Variants in TLR1 observed in about 807,000 individuals in gnomAD.
TLR1 encodes the protein toll like receptor 1, also known as toll-like receptor 1.
TLR1 carries 19 observed loss-of-function variants against 20.2 expected under a neutral mutation model. The ratio of observed to expected loss-of-function variants is 0.94; its 90% CI spans 0.66 to 1.38. The LOEUF (loss-of-function observed/expected upper bound fraction) is 1.38, where lower values mean the gene tolerates loss of function less well. TLR1 is among the 40% of genes most tolerant of loss of function. The pLI is 0.00. For synonymous variants in TLR1, 320 were observed against 334.5 expected (o/e 0.96, Z 0.47); for missense variants, 921 against 910.0 (o/e 1.01, Z -0.16).
Position 38,797,918 on chromosome 4 carries a change from T to G in TLR1, c.914A>C (p.His305Pro), listed in dbSNP as rs3923647. 3.0e-5 allele frequency: 48 copies of G among 1,614,014 alleles called. No homozygotes were observed. Among genetic ancestry groups the G allele is most frequent in the Non-Finnish European group, 3.6e-5 (42 of 1,180,006 alleles). ...ACCGAACACATCGCTGACAACTTGG[T>G]GTATAGACAAGGCCTTCAAGGAAGT... ...SGTSLKALSI[H>P]QVVSDVFGFP... Residue 305 changes from histidine (H) to proline (P), a missense_variant, in exon 4 of 4, where the codon CAC becomes CCC. By Grantham distance (77) the His-to-Pro change is moderately conservative (BLOSUM62 -2). Transcript: ENST00000308979.
chr4:38,794,073 G>A (rs1376490492), downstream of TLR1, among the ~76,000 whole-genome samples: 1 of 152,114 alleles, frequency 6.6e-6, no homozygotes, highest in Non-Finnish European at 1.5e-5. Context: ...TGGACTTTCA[G>A]CCTCCAGAAC....
At chr4:38,802,517 C>T (rs891882990) in intron 2 of TLR1, among the ~76,000 whole-genome samples, 6 of 152,230 alleles carry the variant, frequency 3.9e-5, no homozygotes, top group Admixed American at 2.6e-4. Flanking sequence ...CAGGCCACTG[C>T]ACATGCAGAC....
rs1726121796 is a variant in TLR1 at position 38,796,901 on chromosome 4, C to G, written c.1931G>C (p.Ser644Thr). The G allele has an allele frequency of 6.2e-7, 1 of 1,614,224 alleles. No homozygotes were observed. ...NLQFHAFISY[S>T]GHDSFWVKNE... is the part of the protein sequence containing the mutation. ...CTTCACCCAGAAAGAATCGTGCCCA[C>G]TATATGAAATAAATGCATGAAACTG... The change falls in exon 4 of 4, where the codon AGT (serine) becomes ACT (threonine). Residue 644 changes from serine (S) to threonine (T), a missense_variant. Transcript: ENST00000308979.
At chr4:38,793,519 A>C (rs1480543801), downstream of TLR1, among the ~76,000 whole-genome samples, 1 of 152,112 alleles carries the variant, frequency 6.6e-6, no homozygotes, top group South Asian at 2.1e-4. Flanking sequence ...TTTGGCCTGA[A>C]TTCTTCATCT....
At chr4:38,791,968 CTG>C (rs752689406), downstream of TLR1, among the ~76,000 whole-genome samples, 3 of 152,222 alleles carry the variant, frequency 2.0e-5, no homozygotes, top group Non-Finnish European at 4.4e-5. Context: ...CTCTTCCCCA[CTG>C]TGTCTGCCAC....
rs745825756 is a variant in TLR1 at position 38,798,498 on chromosome 4, G to T, written c.334C>A (p.Pro112Thr). 6.2e-7 allele frequency: 1 copy of T among 1,613,932 alleles called. No individual in the cohort carries two copies. Among genetic ancestry groups the T allele is most frequent in the Admixed American group, 1.7e-5 (1 of 59,982 alleles). Residue 112 changes from proline (P) to threonine (T), a missense_variant, in exon 4 of 4, where the codon CCT becomes ACT. Pro to Thr is a conservative substitution (Grantham distance 38, BLOSUM62 -1). Coordinates refer to ENST00000308979, the MANE Select transcript of TLR1 (RefSeq NM_003263.4). ...TCCAAGTGCTTGAGGTTCACAGTAG[G>T]GTGGCAAGAAATCTTCACCAACTTG... ...HNKLVKISCH[P>T]TVNLKHLDLS...
chr4:38,797,823 G>T lies in TLR1; in HGVS notation c.1009C>A (p.Arg337Ser), dbSNP rs200457447. The stretch of plus-strand genomic sequence containing the variant: ...GATGGGCAAAGCATGTGGACCATGC[G>T]TGTACCAGACACTGTGAAATTTTTG... ...NIKNFTVSGTRMVHMLCPSKI... is the reference protein window; with the variant it reads ...NIKNFTVSGTSMVHMLCPSKI... Residue 337 changes from arginine (R) to serine (S), a missense_variant, in exon 4 of 4, where the codon CGC (arginine) becomes AGC (serine). Arg to Ser is a moderately radical substitution (Grantham distance 110). Transcript: ENST00000308979. 4 of 1,614,152 alleles carry T rather than the reference G, an allele frequency of 2.5e-6. No homozygotes were observed. The highest frequency in any genetic ancestry group is 1.7e-5 in the Admixed American group (1 of 60,012).
chr4:38,803,093 T>G (rs5743577), intron 2 of TLR1, among the ~76,000 whole-genome samples: 74 of 152,292 alleles, frequency 4.9e-4, no homozygotes, highest in Non-Finnish European at 8.5e-4. Context: ...CGCACAGTTG[T>G]GTGTGGAAGC....
At position 38,797,574 on chromosome 4, in the gene TLR1, AAC is replaced by A; in HGVS notation, c.1256_1257del (p.Cys419PhefsTer4). 6.2e-7 allele frequency: 1 copy of A among 1,613,642 alleles called. No homozygotes were observed. Among genetic ancestry groups the A allele is most frequent in the Non-Finnish European group, 8.5e-7 (1 of 1,179,932 alleles). On this transcript the variant is annotated frameshift_variant, in exon 4 of 4. Transcript: ENST00000308979. LOFTEE classifies it high-confidence loss of function. Reference protein sequence around the residue: ...SVSYDEKKGDCSWTKSLLSLN... With the variant: ...SVSYDEKKGDXSWTKSLLSLN... Reference sequence around the variant, plus strand: ...AAACTTAATAAACTTTTAGTCCAAGAACAGTCTCCTTTCTTTTCATCATAGCT... The same window carrying A: ...AAACTTAATAAACTTTTAGTCCAAGAAGTCTCCTTTCTTTTCATCATAGCT...
Position 38,797,908 on chromosome 4 carries a change from G to GACAA in TLR1, c.920_923dup (p.Ser309CysfsTer14), listed in dbSNP as rs1430232984. The GACAA allele has an allele frequency of 6.2e-7, 1 of 1,613,946 alleles. No individual in the cohort carries two copies. Among genetic ancestry groups the GACAA allele is most frequent in the East Asian group, 2.2e-5 (1 of 44,898 alleles). ...TTTGCGGAAAACCGAACACATCGCT[G>GACAA]ACAACTTGGTGTATAGACAAGGCCT... On this transcript the variant is annotated frameshift_variant, in exon 4 of 4. Coordinates refer to ENST00000308979, the MANE Select transcript of TLR1 (RefSeq NM_003263.4). LOFTEE classifies it low-confidence loss of function (END_TRUNC).
intron 2 of TLR1, among the ~76,000 whole-genome samples, chr4:38,803,238 C>G (rs1426374541): frequency 6.6e-6 from 1 of 152,182 alleles, no homozygotes; most frequent in Non-Finnish European, 1.5e-5. Context: ...CAGCTATCTG[C>G]TCATCCACCC....
downstream of TLR1, among the ~76,000 whole-genome samples, chr4:38,793,142 T>C (rs1006388642): frequency 3.9e-5 from 6 of 152,024 alleles, no homozygotes; most frequent in African/African-American, 1.4e-4. Context: ...ATGAGTTTCA[T>C]TTACCCTCAA....
At chr4:38,803,371 G>T (rs1412855523) in intron 2 of TLR1, among the ~76,000 whole-genome samples, 1 of 152,114 alleles carries the variant, frequency 6.6e-6, no homozygotes, top group African/African-American at 2.4e-5. Context: ...TCTTTCCACT[G>T]AGGAGGCAAG....
downstream of TLR1, among the ~76,000 whole-genome samples, chr4:38,793,363 A>C (rs1481085829): frequency 6.6e-6 from 1 of 152,208 alleles, no homozygotes; most frequent in Non-Finnish European, 1.5e-5. Context: ...AAGTTTAAGT[A>C]ACTTGTCCAA....
intron 3 of TLR1, 40 bp from the exon 4 acceptor site, chr4:38,798,938 C>G: frequency 2.1e-6 from 2 of 975,240 alleles, no homozygotes; most frequent in Non-Finnish European, 2.9e-6. Context: ...ACATTACATA[C>G]ATTTTTAAAA....
rs753546211 is a variant in TLR1, at chr4:38,797,673, G to T, written c.1159C>A (p.Leu387Ile). 2.5e-6 allele frequency: 4 copies of T among 1,613,732 alleles called. No homozygotes were observed. In the African/African-American group the frequency reaches 5.3e-5, roughly 22 times the overall value. Residue 387 changes from leucine (L) to isoleucine (I), a missense_variant, in exon 4 of 4, where the codon CTT (leucine) becomes ATT (isoleucine). Transcript: ENST00000308979. ...LILQMNQLKE[L>I]SKIAEMTTQM... The stretch of plus-strand genomic sequence containing the variant: ...GTAGTCATTTCAGCTATTTTTGAAA[G>T]TTCTTTTAATTGATTCATTTGTAAA...
At chr4:38,794,092 T>C (rs11096958), downstream of TLR1, among the ~76,000 whole-genome samples, 25 of 152,184 alleles carry the variant, frequency 1.6e-4, no homozygotes, top group African/African-American at 6.0e-4. Flanking sequence ...ACTATGGGAA[T>C]AAATTTCAGT....
Position 38,797,055 on chromosome 4 carries a change from A to G in TLR1, c.1777T>C (p.Leu593=), listed in dbSNP as rs755637224. ...IVTIVATMLV[L]AVTVTSLCSY... is the part of the protein sequence containing the mutation. ...CAGAGGGAGGTCACAGTCACAGCCA[A>G]CACCAGCATGGTGGCAACGATGGTG... Residue 593 remains leucine, a synonymous_variant, in exon 4 of 4, where the codon TTG becomes CTG. Coordinates refer to ENST00000308979, the MANE Select transcript of TLR1 (RefSeq NM_003263.4). 6.8e-6 allele frequency: 11 copies of G among 1,614,196 alleles called. No individual in the cohort carries two copies. The South Asian group carries it at 1.2e-4, about 18-fold the overall frequency.
At chr4:38,803,636 A>T (rs1421019035) in intron 2 of TLR1, among the ~76,000 whole-genome samples, 2 of 152,204 alleles carry the variant, frequency 1.3e-5, no homozygotes, top group African/African-American at 4.8e-5. Flanking sequence ...GGATCTTTGA[A>T]TTTTATATAC....
Sources: gnomAD v4.1 joint callset for allele counts (sites outside exome capture counted in the v4.1 genomes callset) on GRCh38, gnomAD v4.1.1 for gene constraint, MANE v1.5 for transcripts, NCBI Gene and HGNC (gene_info 2026-07-23, HGNC 2026-07-21) for gene names.